The following PARD3B variants were observed in gnomAD, a reference collection of about 807,000 sequenced individuals.
PARD3B encodes partitioning defective 3 homolog B.
PARD3B carries 103 observed loss-of-function variants against 130.2 expected under a neutral mutation model. The observed-to-expected ratio is 0.79, with a 90% CI of 0.67 to 0.93. The LOEUF (loss-of-function observed/expected upper bound fraction) is 0.93. PARD3B is among the 40% of genes least tolerant of loss of function. The pLI, the probability that PARD3B is intolerant of heterozygous loss-of-function variation, is 0.00. For synonymous variants in PARD3B, 583 were observed against 553.2 expected (o/e 1.05, Z -0.76); for missense variants, 1,609 against 1,499.2 (o/e 1.07, Z -1.21).
chr2:205,196,487 T>G, intron 15 of PARD3B, among the ~76,000 whole-genome samples: 1 of 152,200 alleles, frequency 6.6e-6, no homozygotes, highest in African/African-American at 2.4e-5. Context: ...TATTTGTCTT[T>G]TTAGTTTGAT....
chr2:204,799,061 A>G lies in PARD3B; in HGVS notation c.222+112779A>G, dbSNP rs918947831. Among the ~76,000 whole-genome samples, 1 of 152,142 alleles carries G rather than the reference A, an allele frequency of 6.6e-6. No homozygotes were observed. The highest frequency in any genetic ancestry group is 1.5e-5 in the Non-Finnish European group (1 of 68,024). On this transcript the variant is annotated intron_variant, in intron 2 of 22. Transcript: ENST00000406610. The surrounding 1 kb of genome is among the most constrained non-coding windows in gnomAD (Gnocchi z 4.1). ...CAGCTCAGCCACAGCGAAGTGGAGC[A>G]GCAAATGGGGACCCTGAGTCCAGGC...
intron 4 of PARD3B, among the ~76,000 whole-genome samples, chr2:205,101,642 C>G (rs1053227348): frequency 1.3e-5 from 2 of 152,152 alleles, no homozygotes; most frequent in African/African-American, 2.4e-5. Flanking sequence ...TGCTCACCAG[C>G]TGATGAATGG....
chr2:204,770,512 A>T (rs1056629462), intron 2 of PARD3B, among the ~76,000 whole-genome samples: 1 of 151,896 alleles, frequency 6.6e-6, no homozygotes, highest in Non-Finnish European at 1.5e-5. Context: ...GTAGATGTCT[A>T]TTAGGTCTGC....
intron 15 of PARD3B, among the ~76,000 whole-genome samples, chr2:205,205,651 C>T (rs1418353877): frequency 6.6e-6 from 1 of 152,008 alleles, no homozygotes; most frequent in Non-Finnish European, 1.5e-5. Flanking sequence ...ACTTTTTAGC[C>T]TGAAGCAGTG....
intron 1 of PARD3B, among the ~76,000 whole-genome samples, chr2:204,603,555 T>C (rs1263831488): frequency 1.3e-5 from 2 of 152,138 alleles, no homozygotes; most frequent in Non-Finnish European, 2.9e-5. Context: ...AATACTACTT[T>C]TTTTTTTAAA....
intron 10 of PARD3B, among the ~76,000 whole-genome samples, chr2:205,157,518 G>A (rs1033443435): frequency 2.0e-5 from 3 of 152,144 alleles, no homozygotes; most frequent in South Asian, 2.1e-4. Context: ...AAAATGCCGC[G>A]TCAATGGATC....
chr2:205,594,913 C>T (rs555196067), intron 22 of PARD3B, among the ~76,000 whole-genome samples: 2 of 152,350 alleles, frequency 1.3e-5, no homozygotes, highest in East Asian at 3.9e-4. Context: ...TCACCTTATA[C>T]TCCACATAGA....
chr2:204,957,988 G>A (rs986409931), intron 2 of PARD3B, among the ~76,000 whole-genome samples: 1 of 151,938 alleles, frequency 6.6e-6, no homozygotes, highest in Non-Finnish European at 1.5e-5. Flanking sequence ...TCAATACATT[G>A]TTTAGTTCAA....
intron 10 of PARD3B, among the ~76,000 whole-genome samples, chr2:205,139,495 T>G (rs908375355): frequency 2.6e-5 from 4 of 152,216 alleles, no homozygotes; most frequent in African/African-American, 9.6e-5. Context: ...TGCAATCACC[T>G]CAATTCCTCT....
intron 20 of PARD3B, among the ~76,000 whole-genome samples, chr2:205,443,427 C>T (rs765687937): frequency 9.9e-5 from 15 of 152,110 alleles, no homozygotes; most frequent in Non-Finnish European, 1.8e-4. Context: ...AAGAAACAGT[C>T]CCAGGCCAGA....
chr2:204,725,637 T>G (rs1456908985), intron 2 of PARD3B, among the ~76,000 whole-genome samples: 1 of 152,216 alleles, frequency 6.6e-6, no homozygotes, highest in Non-Finnish European at 1.5e-5. Context: ...ATATTTTATG[T>G]ATTCAAACAA....
intron 1 of PARD3B, among the ~76,000 whole-genome samples, chr2:204,663,714 T>A (rs375946613): frequency 1.3e-5 from 2 of 152,240 alleles, no homozygotes; most frequent in South Asian, 4.2e-4. Flanking sequence ...TACCCGTAAG[T>A]GTTGTAGGGA....
intron 2 of PARD3B, among the ~76,000 whole-genome samples, chr2:204,891,127 A>G (rs1301658326): frequency 6.6e-6 from 1 of 151,058 alleles, no homozygotes; most frequent in African/African-American, 2.4e-5. Context: ...AGGACCCGAT[A>G]TGGAATCTGC....
Position 205,193,286 on chromosome 2 carries a change from A to G in PARD3B, c.2106A>G (p.Ser702=). The G allele has an allele frequency of 6.2e-7, 1 of 1,613,088 alleles. No individual in the cohort carries two copies. The highest frequency in any genetic ancestry group is 8.5e-7 in the Non-Finnish European group (1 of 1,179,068). The change falls in exon 15 of 23, where the codon TCA becomes TCG. Residue 702 remains serine, a synonymous_variant. Transcript: ENST00000406610. ...TGACACCGGCCAGGCAGCCTGAATC[A>G]ATTAATTTGAAAGCCTCGAAGAGCA... ...RSVTPARQPE[S]INLKASKSMD... is the part of the protein sequence containing the mutation.
At chr2:204,688,911 G>A (rs2037222274) in intron 2 of PARD3B, among the ~76,000 whole-genome samples, 2 of 152,126 alleles carry the variant, frequency 1.3e-5, no homozygotes, top group Admixed American at 1.3e-4. Context: ...ACGGATAGAT[G>A]CACATAATCA....
intron 2 of PARD3B, among the ~76,000 whole-genome samples, chr2:204,924,230 G>A (rs1425373967): frequency 1.3e-5 from 2 of 151,910 alleles, no homozygotes; most frequent in East Asian, 1.9e-4. Context: ...GGTTACCCAA[G>A]GATAACATAG....
chr2:204,629,664 G>C (rs2034612572), intron 1 of PARD3B, among the ~76,000 whole-genome samples: 1 of 151,834 alleles, frequency 6.6e-6, no homozygotes, highest in Non-Finnish European at 1.5e-5. Flanking sequence ...CACTGGGCCA[G>C]ACGTAGTGCT....
intron 15 of PARD3B, among the ~76,000 whole-genome samples, chr2:205,217,995 C>T (rs1469922723): frequency 6.7e-5 from 10 of 148,974 alleles, no homozygotes; most frequent in Non-Finnish European, 1.0e-4. Flanking sequence ...TGGGTTCAAG[C>T]GATTCTTCTG....
At chr2:204,905,394 A>G (rs1333259168) in intron 2 of PARD3B, among the ~76,000 whole-genome samples, 1 of 152,170 alleles carries the variant, frequency 6.6e-6, no homozygotes, top group African/African-American at 2.4e-5. Context: ...CTCCAGTGGT[A>G]TAGTGTGCTG....
Sources: allele counts gnomAD v4.1 joint callset (sites outside exome capture counted in the v4.1 genomes callset), GRCh38; gene constraint gnomAD v4.1.1; non-coding constraint Gnocchi (gnomAD v3.1); transcripts MANE v1.5; gene names NCBI Gene and HGNC (gene_info 2026-07-23, HGNC 2026-07-21).